SHC1: variants seen among roughly 807,000 people sequenced by gnomAD.
SHC1 encodes the protein SHC-transforming protein 1.
In SHC1, 30 loss-of-function variants were observed where a neutral mutation model predicts 55.9. That is an observed-to-expected ratio of 0.54 (90% CI 0.40 to 0.73). SHC1 has a LOEUF of 0.73. Ranked by LOEUF, SHC1 falls within the 30% of genes least tolerant of loss-of-function variation. The pLI is 0.00. For synonymous variants in SHC1, 309 were observed against 306.1 expected, an observed-to-expected ratio of 1.01 and a Z score of -0.10; for missense variants, 675 against 777.1, an observed-to-expected ratio of 0.87 and a Z score of 1.56.
In SHC1 at chr1:154,963,043, A is replaced by G. The variant is rs543369257; in HGVS notation, c.*760T>C. ...GCACTTTGGCGTAGAGTACATAGGC[A>G]TGCAACATGGGAGGGCAGGCCTTAT... is the stretch of plus-strand genomic sequence containing the variant. On this transcript the variant is annotated 3_prime_UTR_variant, in exon 12 of 12. Coordinates refer to ENST00000448116, the MANE Select transcript of SHC1 (RefSeq NM_001130040.2). The G allele has an allele frequency of 6.5e-6, 1 of 152,926 alleles. No individual in the cohort carries two copies. The highest frequency in any genetic ancestry group is 6.5e-5 in the Admixed American group (1 of 15,300). The allele number at this position is 152,926 out of a possible 1,614,324, so 9.5% of individuals were successfully genotyped here. A position where few individuals can be genotyped will look rare whatever the true frequency, so the allele number is the denominator to read the frequency against.
chr1:154,964,058 G>T, intron 11 of SHC1, 127 bp from the exon 12 acceptor site: 1 of 952,630 alleles, frequency 1.0e-6, no homozygotes, highest in Non-Finnish European at 1.7e-6. Flanking sequence ...GGGGGAGAGT[G>T]TGGCCTGTCA....
rs745484301 is a variant in SHC1, at chr1:154,968,802, G to A, written c.599C>T (p.Pro200Leu). Residue 200 changes from proline (P) to leucine (L), a missense_variant, in exon 3 of 12, where the codon CCG (proline) becomes CTG (leucine). Physicochemically the swap from Pro to Leu is moderately conservative, Grantham distance 98 (BLOSUM62 -3). This residue lies in a region of SHC1 where 159 missense variants were observed against 246.9 expected (regional missense o/e 0.64). Coordinates refer to ENST00000448116, the MANE Select transcript of SHC1 (RefSeq NM_001130040.2). ...EAISLVCEAV[P>L]GAKGATRRRK... is the part of the protein sequence containing the mutation. ...CCTCCTTGTCGCCCCCTTAGCACCC[G>A]GCACAGCCTCACACACCAGACTGAT... 43 of 1,613,654 alleles carry A rather than the reference G, an allele frequency of 2.7e-5. No homozygotes were observed. Among genetic ancestry groups the A allele is most frequent in the Non-Finnish European group, 3.3e-5 (39 of 1,179,928 alleles).
At chr1:154,973,661 A>C (rs1656966022), upstream of SHC1, among the ~76,000 whole-genome samples, 1 of 152,184 alleles carries the variant, frequency 6.6e-6, no homozygotes, top group Admixed American at 6.5e-5. Flanking sequence ...GCCCAAAAAG[A>C]GAAAGGACAG....
chr1:154,973,511 T>TAAAAAAAA (rs56300199), upstream of SHC1: 1 of 96,308 alleles, frequency 1.0e-5, no homozygotes, highest in Non-Finnish European at 2.0e-5. Context: ...AACTCCGTCT[T>TAAAAAAAA]AAAAAAAAAA....
At chr1:154,968,872 G>A (rs750688233) in intron 2 of SHC1, 38 bp from the exon 3 acceptor site, 2 of 1,587,124 alleles carry the variant, frequency 1.3e-6, no homozygotes, top group African/African-American at 1.3e-5. Flanking sequence ...GCGCCTGCCT[G>A]CCTGCCTCCC....
rs912937697 is a variant in SHC1 at position 154,968,722 on chromosome 1, C to T, written c.630+49G>A. 1.4e-5 allele frequency: 23 copies of T among 1,608,002 alleles called. No individual in the cohort carries two copies. The African/African-American group carries it at 3.1e-4, about 22-fold the overall frequency. On this transcript the variant is annotated intron_variant, in intron 3 of 11. Transcript: ENST00000448116. ...ATGCCCCACACTTGCCTCCCCACTG[C>T]CCCTCCACATTTCCCAGCAGCATCC...
At position 154,963,660 on chromosome 1, in the gene SHC1, G is replaced by A. The variant is rs1015296557; in HGVS notation, c.*143C>T. ...TTGACTCAAACCCTCTCACTCAGCTGGATATGAAACCCAGAGTCCATGCTA... is the reference window on the plus strand; with the variant it reads ...TTGACTCAAACCCTCTCACTCAGCTAGATATGAAACCCAGAGTCCATGCTA... On this transcript the variant is annotated 3_prime_UTR_variant, in exon 12 of 12. Coordinates refer to ENST00000448116, the MANE Select transcript of SHC1 (RefSeq NM_001130040.2). The A allele has an allele frequency of 2.6e-6, 2 of 770,150 alleles. No individual in the cohort carries two copies. Among genetic ancestry groups the A allele is most frequent in the African/African-American group, 3.5e-5 (2 of 57,786 alleles). The allele number at this position is 770,150 out of a possible 1,614,324, so 47.7% of individuals were successfully genotyped here. A position where few individuals can be genotyped will look rare whatever the true frequency, so the allele number is the denominator to read the frequency against.
At chr1:154,969,497 G>C (rs1221051004) in intron 1 of SHC1, 49 bp from the exon 2 acceptor site, 1 of 1,293,896 alleles carries the variant, frequency 7.7e-7, no homozygotes, top group Admixed American at 1.7e-5. Context: ...CCCCACCCCA[G>C]CCCCTTCACA....
Position 154,970,019 on chromosome 1 carries a change from G to T in SHC1, c.495+13C>A, listed in dbSNP as rs371169999. On this transcript the variant is annotated intron_variant, in intron 1 of 11. Coordinates refer to ENST00000448116, the MANE Select transcript of SHC1 (RefSeq NM_001130040.2). The surrounding 1 kb of genome is among the most constrained non-coding windows in gnomAD (Gnocchi z 5.5). ...GGGTCTGCGGGGGAATGGAGAGGAGGATGTTCACTCACCCGAACCAAGTAG... is the reference window on the plus strand; with the variant it reads ...GGGTCTGCGGGGGAATGGAGAGGAGTATGTTCACTCACCCGAACCAAGTAG... 6.2e-7 allele frequency: 1 copy of T among 1,613,370 alleles called. No individual in the cohort carries two copies.
chr1:154,964,110 G>A (rs1280897996), intron 11 of SHC1, 179 bp from the exon 12 acceptor site: 1 of 771,234 alleles, frequency 1.3e-6, no homozygotes, highest in South Asian at 1.4e-5. Flanking sequence ...ACAGTTGTAG[G>A]AATAGACAGG....
chr1:154,968,821 G>C lies in SHC1; in HGVS notation c.580C>G (p.Leu194Val). ...RTQVTREAIS[L>V]VCEAVPGAKG... ...GCACCCGGCACAGCCTCACACACCA[G>C]ACTGATGGCCTCCCTGGGGAAAGAG... Residue 194 changes from leucine (L) to valine (V), a missense_variant, in exon 3 of 12, where the codon CTG becomes GTG. Transcript: ENST00000448116. 1 of 1,613,940 alleles carries C rather than the reference G, an allele frequency of 6.2e-7. No homozygotes were observed. The highest frequency in any genetic ancestry group is 8.5e-7 in the Non-Finnish European group (1 of 1,179,904).
chr1:154,968,023 G>A lies in SHC1; in HGVS notation c.813C>T (p.Ala271=), dbSNP rs759361315. ...CTTTGGCAACATAGGCGACATACTC[G>A]GCTGTGTCCTGGGGAGGAAGGTCAA... ...SFASGGDPDT[A]EYVAYVAKDP... is the part of the protein sequence containing the mutation. The change falls in exon 6 of 12, where the codon GCC becomes GCT. Residue 271 remains alanine (A), a synonymous_variant. Transcript: ENST00000448116. The A allele has an allele frequency of 4.3e-6, 7 of 1,613,980 alleles. No homozygotes were observed. The highest frequency in any genetic ancestry group is 3.3e-5 in the Admixed American group (2 of 60,002).
At position 154,970,400 on chromosome 1, in the gene SHC1, C is replaced by A. The variant is rs1656606182; in HGVS notation, c.127G>T (p.Gly43Trp). 1.2e-6 allele frequency: 2 copies of A among 1,603,368 alleles called. No individual in the cohort carries two copies. Among genetic ancestry groups the A allele is most frequent in the Non-Finnish European group, 8.5e-7 (1 of 1,175,440 alleles). ...CCAGGCAGAGGAGGCAGGATGGGCC[C>A]CAGGGATGAAGCTGATGGGGAAGGC... The part of the protein sequence containing the change: ...ELPSPSASSL[G>W]PILPPLPGDD... The change falls in exon 1 of 12, where the codon GGG becomes TGG. Residue 43 changes from glycine (G) to tryptophan (W), a missense_variant. Gly to Trp is a radical substitution (Grantham distance 184, BLOSUM62 -2). This residue lies in a region of SHC1 where 156 missense variants were observed against 159.1 expected (regional missense o/e 0.98). Coordinates refer to ENST00000448116, the MANE Select transcript of SHC1 (RefSeq NM_001130040.2). This position sits in a 1 kb window ranked among gnomAD's most constrained non-coding sequence, Gnocchi z 5.5.
chr1:154,966,127 C>T (rs114870819), intron 9 of SHC1, 35 bp downstream of exon 9: 40,537 of 1,614,040 alleles, frequency 0.025, 671 homozygotes, highest in Non-Finnish European at 0.029. Flanking sequence ...GCCTCCAACA[C>T]TCCCCAGCTC....
At chr1:154,969,886 G>A (rs1455589361) in intron 1 of SHC1, 146 bp downstream of exon 1, 4 of 922,492 alleles carry the variant, frequency 4.3e-6, no homozygotes, top group Non-Finnish European at 6.8e-6. Flanking sequence ...ACAGAATCGG[G>A]GAAGGGATGA....
Position 154,968,167 on chromosome 1 carries a change from T to C in SHC1, c.804+37A>G, listed in dbSNP as rs1214726844. ...GTCTTCCCAATCCCTAGCCCCTTGC[T>C]CTTCTCCCACCGCCTTTGCTCTGTT... On this transcript the variant is annotated intron_variant, in intron 5 of 11. Transcript: ENST00000448116. 5 of 1,608,324 alleles carry C rather than the reference T, an allele frequency of 3.1e-6. No homozygotes were observed. In the Admixed American group the frequency reaches 8.3e-5, roughly 27 times the overall value.
Position 154,965,732 on chromosome 1 carries a change from G to A in SHC1, c.1437C>T (p.Ser479=), listed in dbSNP as rs746443463. ...LRVPPPPQSV[S]MAEQLRGEPW... ...GCTCCCCTCGGAGCTGCTCAGCCAT[G>A]GACACCGACTGGGGAGGTGGAGGCA... The change falls in exon 11 of 12, where the codon TCC becomes TCT. Residue 479 remains serine, a synonymous_variant. Transcript: ENST00000448116. 4 of 1,614,148 alleles carry A rather than the reference G, an allele frequency of 2.5e-6. No homozygotes were observed. In the South Asian group the frequency reaches 4.4e-5, roughly 18 times the overall value.
At chr1:154,968,694 C>G in intron 3 of SHC1, 77 bp downstream of exon 3, 1 of 1,610,074 alleles carries the variant, frequency 6.2e-7, no homozygotes, top group Non-Finnish European at 8.5e-7. Context: ...GCCCTCTCCC[C>G]ACATGCCCCA....
Position 154,968,122 on chromosome 1 carries a change from C to T in SHC1, c.804+82G>A, listed in dbSNP as rs1656245303. The T allele has an allele frequency of 1.9e-6, 3 of 1,577,694 alleles. No individual in the cohort carries two copies. The South Asian group carries it at 3.3e-5, about 17-fold the overall frequency. ...TTCAGATATCCCCACAATCCTAGCA[C>T]CCCCACTTCTCTAATCAATGTCTTC... On this transcript the variant is annotated intron_variant, in intron 5 of 11. Coordinates refer to ENST00000448116, the MANE Select transcript of SHC1 (RefSeq NM_001130040.2).
Sources: gnomAD v4.1 joint callset for allele counts (sites outside exome capture counted in the v4.1 genomes callset) on GRCh38, gnomAD v4.1.1 for gene constraint, gnomAD v4.1.1 regional missense constraint, Gnocchi (gnomAD v3.1) non-coding constraint, MANE v1.5 for transcripts, NCBI Gene and HGNC (gene_info 2026-07-23, HGNC 2026-07-21) for gene names.